The following NELL1 variants were observed in gnomAD, a reference collection of about 807,000 sequenced individuals.
NELL1 encodes protein kinase C-binding protein NELL1.
NELL1 carries 76 observed loss-of-function variants against 107.4 expected under a neutral mutation model. The ratio of observed to expected loss-of-function variants is 0.71; its 90% CI spans 0.59 to 0.86. NELL1 has a LOEUF of 0.86. NELL1 is among the 40% of genes least tolerant of loss of function. The pLI, the probability that NELL1 is intolerant of heterozygous loss-of-function variation, is 0.00. For missense variants in NELL1, 1,024 were observed against 1,005.5 expected, an observed-to-expected ratio of 1.02 and a Z score of -0.25; for synonymous variants, 353 against 341.2, an observed-to-expected ratio of 1.03 and a Z score of -0.38.
chr11:20,685,028 A>C (rs569475157), intron 2 of NELL1, among the ~76,000 whole-genome samples: 1 of 151,990 alleles, frequency 6.6e-6, no homozygotes, highest in African/African-American at 2.4e-5. Context: ...TTTTGGGTAG[A>C]TCTGTGTTTC....
At chr11:21,025,345 A>G (rs183260154) in intron 12 of NELL1, among the ~76,000 whole-genome samples, 74 of 152,088 alleles carry the variant, frequency 4.9e-4, no homozygotes, top group African/African-American at 1.7e-3. Context: ...AGTTCAAGAA[A>G]GCAGGGACAG....
intron 3 of NELL1, among the ~76,000 whole-genome samples, chr11:20,800,313 C>T (rs1857257272): frequency 1.3e-5 from 2 of 152,316 alleles, no homozygotes; most frequent in South Asian, 4.1e-4. Context: ...TTCCCACTGA[C>T]AGCATATAGA....
intron 12 of NELL1, among the ~76,000 whole-genome samples, chr11:20,976,132 C>T (rs1590487503): frequency 2.9e-5 from 3 of 103,724 alleles, no homozygotes; most frequent in Admixed American, 2.6e-4. Flanking sequence ...ATTATGTATA[C>T]ACATGTACAC....
intron 15 of NELL1, among the ~76,000 whole-genome samples, chr11:21,433,298 T>TTAC (rs1853015953): frequency 6.6e-6 from 1 of 152,184 alleles, no homozygotes; most frequent in Non-Finnish European, 1.5e-5. Context: ...TGTGGGGTTA[T>TTAC]TACGTAATGG....
chr11:21,099,859 G>A (rs1854760711), intron 12 of NELL1, among the ~76,000 whole-genome samples: 1 of 152,028 alleles, frequency 6.6e-6, no homozygotes, highest in South Asian at 2.1e-4. Flanking sequence ...TACAGGCCTG[G>A]GATTGGTACC....
intron 14 of NELL1, among the ~76,000 whole-genome samples, chr11:21,232,066 C>T (rs577311421): frequency 1.5e-4 from 23 of 149,392 alleles, no homozygotes; most frequent in South Asian, 1.1e-3. Flanking sequence ...TGGGAGGCTG[C>T]GGCGGGTGGA....
At chr11:20,813,311 G>A (rs1242135032) in intron 3 of NELL1, among the ~76,000 whole-genome samples, 1 of 152,166 alleles carries the variant, frequency 6.6e-6, no homozygotes, top group African/African-American at 2.4e-5. Flanking sequence ...TGAAATCATG[G>A]AATCCTTGGG....
intron 12 of NELL1, among the ~76,000 whole-genome samples, chr11:20,982,790 A>C (rs1466198817): frequency 6.6e-6 from 1 of 152,350 alleles, no homozygotes; most frequent in East Asian, 1.9e-4. Context: ...AATGTGATTT[A>C]CAGTTTCTAA....
chr11:20,706,526 G>T (rs1415709732), intron 2 of NELL1, among the ~76,000 whole-genome samples: 2 of 143,876 alleles, frequency 1.4e-5, no homozygotes, highest in African/African-American at 2.5e-5. Flanking sequence ...TGTGGGGTTG[G>T]GGGGGAGGGG....
At chr11:20,760,214 T>G (rs577019727) in intron 2 of NELL1, among the ~76,000 whole-genome samples, 1 of 152,182 alleles carries the variant, frequency 6.6e-6, no homozygotes, top group Admixed American at 6.5e-5. Flanking sequence ...AAAGAGGAGA[T>G]TGACACTAGA....
chr11:21,366,491 A>G (rs1036140143), intron 14 of NELL1, among the ~76,000 whole-genome samples: 1 of 152,148 alleles, frequency 6.6e-6, no homozygotes, highest in African/African-American at 2.4e-5. Flanking sequence ...GTTATTTTTA[A>G]TAATATAATT....
chr11:20,685,910 C>CT (rs1245714783), intron 2 of NELL1, among the ~76,000 whole-genome samples: 1 of 151,942 alleles, frequency 6.6e-6, no homozygotes, highest in Admixed American at 6.6e-5. Context: ...TTATTACCCC[C>CT]TTTTATCAAT....
At chr11:21,345,654 T>C (rs1227623486) in intron 14 of NELL1, among the ~76,000 whole-genome samples, 1 of 152,204 alleles carries the variant, frequency 6.6e-6, no homozygotes, top group Non-Finnish European at 1.5e-5. Flanking sequence ...TAACATGCAA[T>C]ATTAATGCTG....
At chr11:20,778,381 C>T (rs1856788026) in intron 2 of NELL1, among the ~76,000 whole-genome samples, 1 of 152,086 alleles carries the variant, frequency 6.6e-6, no homozygotes, top group African/African-American at 2.4e-5. Context: ...CACCACCATC[C>T]TCACTCTATA....
At chr11:21,257,897 C>A (rs537624146) in intron 14 of NELL1, among the ~76,000 whole-genome samples, 13 of 152,060 alleles carry the variant, frequency 8.5e-5, no homozygotes, top group Non-Finnish European at 1.6e-4. Flanking sequence ...AATGTACCAA[C>A]CAGCAAGATA....
intron 14 of NELL1, chr11:21,284,254 C>T (rs1849060850): frequency 2.2e-6 from 1 of 456,886 alleles, no homozygotes; most frequent in South Asian, 1.5e-5. Context: ...ACGTGGAGAC[C>T]TGGCACAAAG....
chr11:21,009,384 G>A (rs892168323), intron 12 of NELL1, among the ~76,000 whole-genome samples: 1 of 152,116 alleles, frequency 6.6e-6, no homozygotes, highest in South Asian at 2.1e-4. Flanking sequence ...AGGAAAAGAT[G>A]CATTGCTTGT....
At chr11:21,073,887 A>G (rs1395447013) in intron 12 of NELL1, among the ~76,000 whole-genome samples, 2 of 152,326 alleles carry the variant, frequency 1.3e-5, no homozygotes, top group South Asian at 4.1e-4. Flanking sequence ...GTACAAAGAG[A>G]ATGGAGGTAG....
intron 5 of NELL1, among the ~76,000 whole-genome samples, chr11:20,896,046 C>A (rs1368943341): frequency 2.6e-5 from 4 of 151,830 alleles, no homozygotes; most frequent in Non-Finnish European, 1.5e-5. Flanking sequence ...TAGATAAATT[C>A]TTTAGTGGTG....
Sources: allele counts gnomAD v4.1 joint callset (sites outside exome capture counted in the v4.1 genomes callset), GRCh38; gene constraint gnomAD v4.1.1; transcripts MANE v1.5; gene names NCBI Gene and HGNC (gene_info 2026-07-23, HGNC 2026-07-21).